The following MEGF10 variants were observed in gnomAD, a reference collection of about 807,000 sequenced individuals.
The protein encoded by MEGF10 is multiple epidermal growth factor-like domains protein 10.
Under a neutral mutation model 147.5 loss-of-function variants are expected in MEGF10, and 86 were observed. That is an observed-to-expected ratio of 0.58 (90% CI 0.49 to 0.70). The LOEUF (loss-of-function observed/expected upper bound fraction) is 0.70, where lower values mean the gene tolerates loss of function less well. Among genes scored for constraint, MEGF10 ranks in the 30% least tolerant of loss-of-function variants. MEGF10 has a pLI of 0.00. For synonymous variants in MEGF10, 478 were observed against 525.5 expected (o/e 0.91, Z 1.24); for missense variants, 1,329 against 1,487.3 (o/e 0.89, Z 1.75).
In MEGF10 at chr5:127,389,870, A is replaced by G. The variant is rs138919499; in HGVS notation, c.413-6662A>G. ...GAAATAATCTGTATGACAAACCCCC[A>G]TGACATGAGTTTACCTTCATAACAA... is the stretch of plus-strand genomic sequence containing the variant. On this transcript the variant is annotated intron_variant, in intron 5 of 24. Coordinates refer to ENST00000503335, the MANE Select transcript of MEGF10 (RefSeq NM_001256545.2). Among the ~76,000 whole-genome samples, 472 of 152,324 alleles carry G rather than the reference A, an allele frequency of 3.1e-3. 4 individuals are homozygous for G. Among genetic ancestry groups the G allele is most frequent in the African/African-American group, 0.011 (451 of 41,562 alleles).
intron 5 of MEGF10, among the ~76,000 whole-genome samples, chr5:127,382,075 C>T (rs1319869956): frequency 6.6e-6 from 1 of 152,160 alleles, no homozygotes; most frequent in Non-Finnish European, 1.5e-5. Context: ...AAAATTTCCC[C>T]AGGTCAGAAT....
At chr5:127,298,906 G>A (rs1759640359) in intron 1 of MEGF10, among the ~76,000 whole-genome samples, 2 of 152,182 alleles carry the variant, frequency 1.3e-5, no homozygotes, top group African/African-American at 2.4e-5. Context: ...ACTTAAATCA[G>A]AGAGACAAAG....
chr5:127,398,900 A>G, intron 7 of MEGF10, 104 bp downstream of exon 7: 1 of 1,498,946 alleles, frequency 6.7e-7, no homozygotes, highest in Non-Finnish European at 9.1e-7. Context: ...GAAAGTTACC[A>G]TGATGGTTGA....
At chr5:127,368,005 T>C (rs982110450) in intron 4 of MEGF10, among the ~76,000 whole-genome samples, 8 of 152,152 alleles carry the variant, frequency 5.3e-5, no homozygotes, top group Non-Finnish European at 7.3e-5. Flanking sequence ...TCAAGTATGG[T>C]AGTTTGCTGG....
chr5:127,385,739 A>G (rs532037701), intron 5 of MEGF10, among the ~76,000 whole-genome samples: 1 of 152,344 alleles, frequency 6.6e-6, no homozygotes, highest in Admixed American at 6.5e-5. Flanking sequence ...TGTATCTTAA[A>G]GTTCTTGACC....
At chr5:127,314,712 C>T (rs545097153) in intron 1 of MEGF10, among the ~76,000 whole-genome samples, 29 of 152,098 alleles carry the variant, frequency 1.9e-4, no homozygotes, top group Admixed American at 1.5e-3. Flanking sequence ...TTCAAATTAG[C>T]GGGATATGAA....
chr5:127,284,208 A>G, the MEGF10 span, among the ~76,000 whole-genome samples: 6 of 152,196 alleles, frequency 3.9e-5, no homozygotes, highest in Non-Finnish European at 8.8e-5. Context: ...GAAGACCGAA[A>G]TGAAGGCATC....
chr5:127,406,688 C>A (rs1037310649), intron 8 of MEGF10, among the ~76,000 whole-genome samples: 1 of 152,140 alleles, frequency 6.6e-6, no homozygotes, highest in Non-Finnish European at 1.5e-5. Flanking sequence ...AACAGACACC[C>A]TGTAGGCTGG....
chr5:127,353,211 T>A (rs1762151871), intron 4 of MEGF10, among the ~76,000 whole-genome samples: 1 of 152,234 alleles, frequency 6.6e-6, no homozygotes, highest in African/African-American at 2.4e-5. Context: ...GAGAGACTCG[T>A]GATCCCCACA....
chr5:127,262,420 T>A, the MEGF10 span, among the ~76,000 whole-genome samples: 4 of 152,124 alleles, frequency 2.6e-5, no homozygotes, highest in African/African-American at 4.8e-5. Flanking sequence ...AAAAGGGAAA[T>A]TGGAAAATCT....
the MEGF10 span, among the ~76,000 whole-genome samples, chr5:127,263,172 G>T: frequency 6.6e-6 from 1 of 152,022 alleles, no homozygotes; most frequent in Non-Finnish European, 1.5e-5. Flanking sequence ...AATCTTAAAG[G>T]TACAAGATTA....
At chr5:127,401,287 T>A (rs1764122282) in intron 7 of MEGF10, among the ~76,000 whole-genome samples, 1 of 152,208 alleles carries the variant, frequency 6.6e-6, no homozygotes, top group African/African-American at 2.4e-5. Context: ...TGAGGGTTGT[T>A]ACCTTATCTT....
the MEGF10 span, among the ~76,000 whole-genome samples, chr5:127,231,903 A>G: frequency 6.6e-6 from 1 of 152,236 alleles, no homozygotes; most frequent in Admixed American, 6.5e-5. Context: ...GTGGGAAGGG[A>G]GAGCAGGGAT....
chr5:127,253,426 T>C, the MEGF10 span, among the ~76,000 whole-genome samples: 2 of 152,018 alleles, frequency 1.3e-5, no homozygotes, highest in Non-Finnish European at 2.9e-5. Context: ...TTATTATGAT[T>C]ATTAAAGCTG....
intron 15 of MEGF10, 112 bp from the exon 16 acceptor site, chr5:127,435,249 T>C: frequency 7.8e-7 from 1 of 1,275,098 alleles, no homozygotes; most frequent in Non-Finnish European, 1.1e-6. Flanking sequence ...CAGAGATAGC[T>C]ACCAATGAGC....
At chr5:127,348,746 C>T (rs1761986781) in intron 4 of MEGF10, among the ~76,000 whole-genome samples, 1 of 152,128 alleles carries the variant, frequency 6.6e-6, no homozygotes, top group South Asian at 2.1e-4. Context: ...CATTAAGAAG[C>T]CTTTGACTAA....
chr5:127,324,862 A>C (rs965576496), intron 1 of MEGF10, among the ~76,000 whole-genome samples: 4 of 152,104 alleles, frequency 2.6e-5, no homozygotes, highest in African/African-American at 4.8e-5. Context: ...CTCCACCCTC[A>C]AGGCTTGGCT....
At chr5:127,364,868 A>T (rs1762600073) in intron 4 of MEGF10, among the ~76,000 whole-genome samples, 1 of 152,056 alleles carries the variant, frequency 6.6e-6, no homozygotes, top group Non-Finnish European at 1.5e-5. Flanking sequence ...TCCCATTAAA[A>T]TCCATCTTAT....
chr5:127,297,027 C>T (rs960107135), intron 1 of MEGF10, among the ~76,000 whole-genome samples: 9 of 152,064 alleles, frequency 5.9e-5, no homozygotes, highest in African/African-American at 1.7e-4. Context: ...AGTGCAATGG[C>T]GCAATCTCAA....
Sources: gnomAD v4.1 joint callset for allele counts (sites outside exome capture counted in the v4.1 genomes callset) on GRCh38, gnomAD v4.1.1 for gene constraint, MANE v1.5 for transcripts, NCBI Gene and HGNC (gene_info 2026-07-23, HGNC 2026-07-21) for gene names.